The following CADPS variants were observed in gnomAD, a reference collection of about 807,000 sequenced individuals.
The protein encoded by CADPS is calcium-dependent secretion activator 1.
Under a neutral mutation model 167.3 loss-of-function variants are expected in CADPS, and 57 were observed. The observed-to-expected ratio is 0.34, with a 90% CI of 0.28 to 0.42. CADPS has a LOEUF of 0.42. Ranked by LOEUF, CADPS falls within the 20% of genes least tolerant of loss-of-function variation. The pLI is 1.00. For missense variants in CADPS, 1,414 were observed against 1,738.1 expected, an observed-to-expected ratio of 0.81 and a Z score of 3.32; for synonymous variants, 676 against 635.3, an observed-to-expected ratio of 1.06 and a Z score of -0.96.
At chr3:62,718,538 G>T (rs1453056950) in intron 3 of CADPS, among the ~76,000 whole-genome samples, 1 of 152,186 alleles carries the variant, frequency 6.6e-6, no homozygotes, top group Non-Finnish European at 1.5e-5. Flanking sequence ...TAGAATGCCA[G>T]TTGGAGAATC....
rs144688322 is a variant in CADPS, at chr3:62,461,665, G to A, written c.3636+3702C>T. On this transcript the variant is annotated intron_variant, in intron 26 of 29. Transcript: ENST00000383710. The stretch of plus-strand genomic sequence containing the variant: ...GATTCTCCCCTCTTCTGTATCCATC[G>A]CTGACTCCTTCAAGCTTGAGAGCTT... Among the ~76,000 whole-genome samples, 140 of 152,216 alleles carry A rather than the reference G, an allele frequency of 9.2e-4. 1 individual carries two copies. In the East Asian group the frequency reaches 0.021, roughly 22 times the overall value.
chr3:62,689,692 G>A (rs531991867), intron 3 of CADPS, among the ~76,000 whole-genome samples: 4 of 152,158 alleles, frequency 2.6e-5, no homozygotes, highest in East Asian at 3.9e-4. Flanking sequence ...CCAAGTAACC[G>A]AAATTTATCA....
At chr3:62,419,395 C>G (rs968599890) in intron 28 of CADPS, among the ~76,000 whole-genome samples, 2 of 152,106 alleles carry the variant, frequency 1.3e-5, no homozygotes, top group Admixed American at 6.5e-5. Context: ...GACCCCCATG[C>G]CTTTAGCCTC....
chr3:62,494,012 A>T (rs909245076), intron 18 of CADPS, among the ~76,000 whole-genome samples: 7 of 152,244 alleles, frequency 4.6e-5, no homozygotes, highest in Non-Finnish European at 1.0e-4. Context: ...AGTCAAAGAA[A>T]CAGTAGATTT....
intron 1 of CADPS, among the ~76,000 whole-genome samples, chr3:62,795,523 T>C (rs1486719007): frequency 1.3e-5 from 2 of 152,196 alleles, no homozygotes; most frequent in Non-Finnish European, 2.9e-5. Context: ...AGACCGTTCT[T>C]GTTTACTAAG....
intron 3 of CADPS, among the ~76,000 whole-genome samples, chr3:62,750,962 T>C (rs1464284236): frequency 6.6e-6 from 1 of 152,220 alleles, no homozygotes; most frequent in Non-Finnish European, 1.5e-5. Flanking sequence ...AGTGAACATC[T>C]TTGGACTTAA....
At chr3:62,748,564 G>A (rs375267234) in intron 3 of CADPS, among the ~76,000 whole-genome samples, 38 of 152,192 alleles carry the variant, frequency 2.5e-4, no homozygotes, top group African/African-American at 8.4e-4. Flanking sequence ...AAGGGAAAGG[G>A]GAGAGATGGT....
rs565042222 is a variant in CADPS, at chr3:62,614,729, T to A, written c.1326-21981A>T. On this transcript the variant is annotated intron_variant, in intron 6 of 29. Transcript: ENST00000383710. ...ACATAATGATGTAATTATTATGTAATATTTTGAAGCTGGAACTCTGGAATC... is the reference window on the plus strand; with the variant it reads ...ACATAATGATGTAATTATTATGTAAAATTTTGAAGCTGGAACTCTGGAATC... Among the ~76,000 whole-genome samples the A allele has an allele frequency of 3.3e-5, 5 of 152,302 alleles. No homozygotes were observed. In the South Asian group the frequency reaches 1.0e-3, roughly 32 times the overall value.
intron 3 of CADPS, among the ~76,000 whole-genome samples, chr3:62,751,167 A>G (rs933873931): frequency 2.2e-4 from 34 of 152,338 alleles, no homozygotes; most frequent in African/African-American, 7.9e-4. Flanking sequence ...TGGGTATTAT[A>G]TGTTGTGAAA....
intron 4 of CADPS, 21 bp downstream of exon 4, chr3:62,662,293 A>C: frequency 6.2e-7 from 1 of 1,608,186 alleles, no homozygotes; most frequent in Non-Finnish European, 8.5e-7. Context: ...ACCCCAGCAA[A>C]CAACCACAAT....
rs552420577 is a variant in CADPS, at chr3:62,751,649, G to T, written c.888+1792C>A. On this transcript the variant is annotated intron_variant, in intron 3 of 29. Transcript: ENST00000383710. Reference sequence around the variant, plus strand: ...TTGGCCAGGCTGGTCTTGAACTCCTGACCTCAGGTAATCCACCCGTCTTAG... The same window carrying T: ...TTGGCCAGGCTGGTCTTGAACTCCTTACCTCAGGTAATCCACCCGTCTTAG... Among the ~76,000 whole-genome samples the T allele has an allele frequency of 9.9e-5, 15 of 152,188 alleles. No individual in the cohort carries two copies. In the South Asian group the frequency reaches 2.9e-3, roughly 29 times the overall value.
At chr3:62,719,304 C>T (rs1028473915) in intron 3 of CADPS, among the ~76,000 whole-genome samples, 3 of 152,178 alleles carry the variant, frequency 2.0e-5, no homozygotes, top group South Asian at 2.1e-4. Flanking sequence ...ACATGCTGTT[C>T]CTTCTGTCCT....
At chr3:62,447,931 T>C (rs1039518924) in intron 26 of CADPS, among the ~76,000 whole-genome samples, 4 of 152,218 alleles carry the variant, frequency 2.6e-5, no homozygotes, top group African/African-American at 9.6e-5. Context: ...ATTTCTGTGA[T>C]ATTTTTCATT....
chr3:62,782,229 G>A (rs2091766304), intron 1 of CADPS, among the ~76,000 whole-genome samples: 1 of 152,152 alleles, frequency 6.6e-6, no homozygotes, highest in African/African-American at 2.4e-5. Flanking sequence ...CATTAATGAA[G>A]CCTCTCTAAA....
chr3:62,856,516 A>G (rs2079712821), intron 1 of CADPS, among the ~76,000 whole-genome samples: 1 of 152,018 alleles, frequency 6.6e-6, no homozygotes, highest in Non-Finnish European at 1.5e-5. Flanking sequence ...TCCAAAGAAT[A>G]AAAAAATGCA....
intron 28 of CADPS, among the ~76,000 whole-genome samples, chr3:62,434,937 G>T (rs919725463): frequency 6.6e-6 from 1 of 151,954 alleles, no homozygotes; most frequent in Admixed American, 6.6e-5. Context: ...AACACAACAG[G>T]AACTCTTAGA....
intron 1 of CADPS, among the ~76,000 whole-genome samples, chr3:62,845,835 C>T (rs1289708518): frequency 2.0e-5 from 3 of 152,140 alleles, no homozygotes; most frequent in Non-Finnish European, 4.4e-5. Context: ...GCTTCTCTCC[C>T]TGTATTTCCT....
At chr3:62,591,715 T>C (rs1017005714) in intron 7 of CADPS, among the ~76,000 whole-genome samples, 3 of 152,162 alleles carry the variant, frequency 2.0e-5, no homozygotes, top group East Asian at 1.9e-4. Flanking sequence ...TTCACTATTA[T>C]CTCTGTGGTT....
intron 11 of CADPS, among the ~76,000 whole-genome samples, chr3:62,541,884 C>T (rs1429243249): frequency 6.6e-6 from 1 of 151,990 alleles, no homozygotes. Flanking sequence ...TTGTTTCTAA[C>T]ATATATATTT....
Sources: allele counts gnomAD v4.1 joint callset (sites outside exome capture counted in the v4.1 genomes callset), GRCh38; gene constraint gnomAD v4.1.1; transcripts MANE v1.5; gene names NCBI Gene and HGNC (gene_info 2026-07-23, HGNC 2026-07-21).